Variants in TRAF2 observed in about 807,000 individuals in gnomAD.
The protein encoded by TRAF2 is TNF receptor associated factor 2, also known as TNF receptor-associated factor 2.
TRAF2 carries 6 observed loss-of-function variants against 55.6 expected under a neutral mutation model. The observed-to-expected ratio is 0.11, with a 90% CI of 0.06 to 0.21. TRAF2 has a LOEUF of 0.21. Among genes scored for constraint, TRAF2 ranks in the 10% least tolerant of loss-of-function variants. TRAF2 has a pLI of 1.00. For missense variants in TRAF2, 561 were observed against 684.5 expected (o/e 0.82, Z 2.01); for synonymous variants, 329 against 276.3 (o/e 1.19, Z -1.89).
At chr9:136,921,340 G>A (rs891645941) in intron 9 of TRAF2, 125 bp downstream of exon 9, 27 of 1,240,552 alleles carry the variant, frequency 2.2e-5, no homozygotes, top group African/African-American at 1.2e-4. Flanking sequence ...CAGTGATACC[G>A]GGAGCAGCTA....
chr9:136,920,649 C>G, intron 8 of TRAF2, 134 bp downstream of exon 8: 1 of 1,245,274 alleles, frequency 8.0e-7, no homozygotes, highest in Non-Finnish European at 1.1e-6. Flanking sequence ...AAACCCCAGT[C>G]CAGTGTGGTT....
intron 7 of TRAF2, 84 bp downstream of exon 7, chr9:136,916,699 C>T: frequency 7.3e-7 from 1 of 1,367,728 alleles, no homozygotes; most frequent in Non-Finnish European, 1.0e-6. Flanking sequence ...TTCCTGGTTT[C>T]CTTCCAGCTG....
intron 7 of TRAF2, among the ~76,000 whole-genome samples, chr9:136,917,978 G>A (rs1283133002): frequency 3.3e-5 from 5 of 151,970 alleles, no homozygotes; most frequent in Admixed American, 6.6e-5. Context: ...GGCGATGCTC[G>A]CTTCCCGTTT....
In TRAF2 at chr9:136,923,868, G is replaced by A. The variant is rs1850458492; in HGVS notation, c.1155G>A (p.Arg385=). 2 of 1,613,630 alleles carry A rather than the reference G, an allele frequency of 1.2e-6. No homozygotes were observed. Among genetic ancestry groups the A allele is most frequent in the Non-Finnish European group, 1.7e-6 (2 of 1,179,900 alleles). The change falls in exon 10 of 11, where the codon AGG becomes AGA. Residue 385 remains arginine (R), a synonymous_variant. Coordinates refer to ENST00000247668, the MANE Select transcript of TRAF2 (RefSeq NM_021138.4). Reference sequence around the variant, plus strand: ...CCTCCCCAGCCTTCTACACCAGCAGGTACGGCTACAAGATGTGTCTGCGTA... The same window carrying A: ...CCTCCCCAGCCTTCTACACCAGCAGATACGGCTACAAGATGTGTCTGCGTA... ...AIFSPAFYTS[R]YGYKMCLRIY...
At chr9:136,922,207 C>T (rs1850403189) in intron 9 of TRAF2, among the ~76,000 whole-genome samples, 1 of 152,224 alleles carries the variant, frequency 6.6e-6, no homozygotes, top group African/African-American at 2.4e-5. Context: ...AGGCCTTCAG[C>T]AGGGACCAGA....
At chr9:136,887,651 T>C (rs945385005) in intron 1 of TRAF2, among the ~76,000 whole-genome samples, 1 of 152,150 alleles carries the variant, frequency 6.6e-6, no homozygotes, top group South Asian at 2.1e-4. Flanking sequence ...ATTACTGCCC[T>C]GTAACTCAGT....
At chr9:136,897,693 G>A (rs1417780811) in intron 1 of TRAF2, among the ~76,000 whole-genome samples, 10 of 144,552 alleles carry the variant, frequency 6.9e-5, no homozygotes, top group Non-Finnish European at 1.5e-4. Context: ...GGTAGCTAAA[G>A]GGAATGCACT....
chr9:136,924,987 TTGG>T (rs1254196575), intron 10 of TRAF2, among the ~76,000 whole-genome samples: 2 of 152,242 alleles, frequency 1.3e-5, no homozygotes, highest in African/African-American at 4.8e-5. Flanking sequence ...TCCGCCCACC[TTGG>T]CCTCCCAAAG....
chr9:136,906,926 CTG>C (rs1038322757), intron 4 of TRAF2, among the ~76,000 whole-genome samples: 7 of 152,236 alleles, frequency 4.6e-5, no homozygotes, highest in South Asian at 4.1e-4. Context: ...ACCTTAGAGT[CTG>C]TGAGAGGTGC....
chr9:136,906,881 C>G (rs1431391240), intron 4 of TRAF2, among the ~76,000 whole-genome samples: 1 of 152,216 alleles, frequency 6.6e-6, no homozygotes. Flanking sequence ...TGCCTGCCAC[C>G]CCGTTCTTCC....
chr9:136,887,386 C>A (rs1308853414), intron 1 of TRAF2, among the ~76,000 whole-genome samples: 1 of 152,182 alleles, frequency 6.6e-6, no homozygotes, highest in Non-Finnish European at 1.5e-5. Context: ...GCCAGATGGG[C>A]AGCCTGGGGT....
At chr9:136,906,845 C>T (rs542409477) in intron 4 of TRAF2, among the ~76,000 whole-genome samples, 1 of 152,208 alleles carries the variant, frequency 6.6e-6, no homozygotes, top group East Asian at 1.9e-4. Flanking sequence ...CCGGCCCTCT[C>T]TCCCGTTACA....
rs1255320891 is a variant in TRAF2, at chr9:136,907,920, G to C, written c.367-150G>C. On this transcript the variant is annotated intron_variant, in intron 4 of 10. Transcript: ENST00000247668. ...TCTCCTCCTGCCCTCCCACCTGTGGGAGCCCTGAGAGCTATCTGCAGAGGG... is the reference window on the plus strand; with the variant it reads ...TCTCCTCCTGCCCTCCCACCTGTGGCAGCCCTGAGAGCTATCTGCAGAGGG... 7 of 903,684 alleles carry C rather than the reference G, an allele frequency of 7.7e-6. No individual in the cohort carries two copies. The East Asian group carries it at 1.7e-4, about 22-fold the overall frequency. The allele number at this position is 903,684 out of a possible 1,614,324, so 56.0% of individuals were successfully genotyped here.
At position 136,908,032 on chromosome 9, in the gene TRAF2, A is replaced by G. The variant is rs758708272; in HGVS notation, c.367-38A>G. 3 of 1,571,932 alleles carry G rather than the reference A, an allele frequency of 1.9e-6. No individual in the cohort carries two copies. The East Asian group carries it at 6.7e-5, about 35-fold the overall frequency. On this transcript the variant is annotated intron_variant, in intron 4 of 10. Coordinates refer to ENST00000247668, the MANE Select transcript of TRAF2 (RefSeq NM_021138.4). Reference sequence around the variant, plus strand: ...GAAGCTGTGGCTGCCCAAATGTCCCACGCGAGTTCTACTGACGCTTCCTCC... The same window carrying G: ...GAAGCTGTGGCTGCCCAAATGTCCCGCGCGAGTTCTACTGACGCTTCCTCC...
chr9:136,883,805 C>CTTT (rs1345286969), upstream of TRAF2, among the ~76,000 whole-genome samples: 32 of 150,518 alleles, frequency 2.1e-4, no homozygotes, highest in Non-Finnish European at 3.4e-4. Context: ...ACATGAGCCA[C>CTTT]TGTGCCGGGC....
chr9:136,912,624 G>C (rs1850142793), intron 6 of TRAF2, among the ~76,000 whole-genome samples: 2 of 152,120 alleles, frequency 1.3e-5, no homozygotes. Flanking sequence ...AGGATCACTT[G>C]AGGCCAGTTC....
intron 1 of TRAF2, among the ~76,000 whole-genome samples, chr9:136,894,627 C>T (rs1186183598): frequency 6.6e-6 from 1 of 152,060 alleles, no homozygotes; most frequent in Non-Finnish European, 1.5e-5. Flanking sequence ...CCAGATGGGG[C>T]TAAACCCAGT....
At chr9:136,893,907 G>A (rs1188024754) in intron 1 of TRAF2, among the ~76,000 whole-genome samples, 4 of 151,622 alleles carry the variant, frequency 2.6e-5, no homozygotes, top group Non-Finnish European at 5.9e-5. Context: ...GCACCACCAC[G>A]CCCGGCTAAT....
At chr9:136,892,645 T>G (rs1047828526) in intron 1 of TRAF2, among the ~76,000 whole-genome samples, 1 of 152,004 alleles carries the variant, frequency 6.6e-6, no homozygotes, top group Non-Finnish European at 1.5e-5. Flanking sequence ...TTTGGGAGAT[T>G]GAGGTGGGCA....
Sources: gnomAD v4.1 joint callset for allele counts (sites outside exome capture counted in the v4.1 genomes callset) on GRCh38, gnomAD v4.1.1 for gene constraint, MANE v1.5 for transcripts, NCBI Gene and HGNC (gene_info 2026-07-23, HGNC 2026-07-21) for gene names.